The following TCERG1 variants were observed in gnomAD, a reference collection of about 807,000 sequenced individuals.
The protein encoded by TCERG1 is TATA box binding protein (TBP)-associated factor, RNA polymerase II, S, 150kD.
A neutral mutation model predicts 144.7 loss-of-function variants in TCERG1; 37 were observed. The observed-to-expected ratio is 0.26, with a 90% confidence interval of 0.20 to 0.34. The LOEUF (loss-of-function observed/expected upper bound fraction) is 0.34. Among genes scored for constraint, TCERG1 ranks in the 10% least tolerant of loss-of-function variants. The pLI, the probability that TCERG1 is intolerant of heterozygous loss-of-function variation, is 1.00. For missense variants in TCERG1, 1,027 were observed against 1,380.7 expected, an observed-to-expected ratio of 0.74 and a Z score of 4.06; for synonymous variants, 492 against 458.2, an observed-to-expected ratio of 1.07 and a Z score of -0.94.
chr5:146,506,576 C>T (rs1445415674), intron 19 of TCERG1, among the ~76,000 whole-genome samples: 1 of 152,006 alleles, frequency 6.6e-6, no homozygotes, highest in African/African-American at 2.4e-5. Context: ...TTTAGTTAAC[C>T]CTGGTGTGCA....
chr5:146,455,006 A>G, intron 1 of TCERG1, 50 bp from the exon 2 acceptor site: 2 of 1,594,586 alleles, frequency 1.3e-6, no homozygotes, highest in South Asian at 1.1e-5. Context: ...CAGTAGCTAC[A>G]TTTTTGTAAT....
At chr5:146,470,458 T>A (rs1340747972) in intron 7 of TCERG1, among the ~76,000 whole-genome samples, 178 bp from the exon 8 acceptor site, 2 of 152,164 alleles carry the variant, frequency 1.3e-5, no homozygotes, top group Admixed American at 6.5e-5. Flanking sequence ...ACCTGATTGG[T>A]ATAGCAAGGT....
chr5:146,480,291 G>T, intron 12 of TCERG1, 197 bp downstream of exon 12: 1 of 408,698 alleles, frequency 2.4e-6, no homozygotes, highest in Non-Finnish European at 4.5e-6. Flanking sequence ...TAGAAGATTT[G>T]GGTATTCATA....
At position 146,463,652 on chromosome 5, in the gene TCERG1, G is replaced by A. The variant is rs758784177; in HGVS notation, c.994G>A (p.Val332Ile). Residue 332 changes from valine to isoleucine, a missense_variant, in exon 5 of 23, where the codon GTT becomes ATT. Physicochemically the swap from Val to Ile is conservative, Grantham distance 29. Around this residue, in one of 6 missense-constraint regions of TCERG1, gnomAD observed 187 missense variants for 169.1 expected, o/e 1.11. Coordinates refer to ENST00000679501, the MANE Select transcript of TCERG1 (RefSeq NM_001382548.1). The part of the protein sequence containing the change: ...PAPTATPVQT[V>I]PQPHPQTLPP... ...TCCTACAGCCACACCTGTGCAAACC[G>A]TTCCCCAGCCGCACCCTCAGACGTT... 8 of 1,614,108 alleles carry A rather than the reference G, an allele frequency of 5.0e-6. No homozygotes were observed. Among genetic ancestry groups the A allele is most frequent in the South Asian group, 1.1e-5 (1 of 91,080 alleles).
intron 9 of TCERG1, among the ~76,000 whole-genome samples, chr5:146,474,407 C>G (rs56309758): frequency 0.25 from 37,259 of 152,076 alleles, 5,679 homozygotes; most frequent in East Asian, 0.83. Context: ...GTGAATTCTT[C>G]AGATAGAATC....
intron 17 of TCERG1, among the ~76,000 whole-genome samples, chr5:146,501,341 A>G (rs1465607655): frequency 7.5e-6 from 1 of 133,372 alleles, no homozygotes; most frequent in African/African-American, 2.8e-5. Context: ...AATTGTTCTC[A>G]TACTGATAGC....
Position 146,498,658 on chromosome 5 carries a change from A to G in TCERG1, c.2405A>G (p.Lys802Arg), listed in dbSNP as rs751057313. The G allele has an allele frequency of 6.2e-7, 1 of 1,612,000 alleles. No homozygotes were observed. Among genetic ancestry groups the G allele is most frequent in the Non-Finnish European group, 8.5e-7 (1 of 1,179,160 alleles). ...GTGGCCGCTGCTAGGAAGAAAGAGA[A>G]AGAAGATTCGAAGACCAGAGGTGAG... ...EFVAAARKKE[K>R]EDSKTRGEKI... Residue 802 changes from lysine (K) to arginine (R), a missense_variant, in exon 17 of 23, where the codon AAA (lysine) becomes AGA (arginine). Lys to Arg is a conservative substitution (Grantham distance 26). Around this residue, in one of 6 missense-constraint regions of TCERG1, gnomAD observed 482 missense variants for 632.6 expected, o/e 0.76. Transcript: ENST00000679501.
intron 4 of TCERG1, among the ~76,000 whole-genome samples, chr5:146,462,401 T>A (rs558123966): frequency 6.6e-5 from 10 of 152,336 alleles, no homozygotes; most frequent in Middle Eastern, 3.4e-3. Flanking sequence ...AATTTTATTT[T>A]GGAACTAGAT....
intron 8 of TCERG1, 146 bp downstream of exon 8, chr5:146,470,894 C>A: frequency 1.9e-6 from 1 of 528,854 alleles, no homozygotes; most frequent in Non-Finnish European, 3.1e-6. Context: ...GTTCTTAATT[C>A]AGTTTTTTCT....
At chr5:146,462,624 A>T (rs1240006183) in intron 4 of TCERG1, among the ~76,000 whole-genome samples, 3 of 152,154 alleles carry the variant, frequency 2.0e-5, no homozygotes. Flanking sequence ...ACCTCAGTTT[A>T]AAAAAATTTT....
Position 146,459,093 on chromosome 5 carries a change from G to GGCCCAA in TCERG1, c.653_654insAGCCCA (p.Ala241_Gln242dup). Reference sequence around the variant, plus strand: ...AGGCTCAGGCCCAGGCCCAGGCCCAGGCCCAGGCCCAGGCCCAAGCCCAAG... The same window carrying GGCCCAA: ...AGGCTCAGGCCCAGGCCCAGGCCCAGGCCCAAGCCCAGGCCCAGGCCCAAGCCCAAG... On this transcript the variant is annotated inframe_insertion, in exon 4 of 23. Transcript: ENST00000679501. 1 of 1,559,934 alleles carries GGCCCAA rather than the reference G, an allele frequency of 6.4e-7. No homozygotes were observed. Among genetic ancestry groups the GGCCCAA allele is most frequent in the Non-Finnish European group, 8.8e-7 (1 of 1,137,398 alleles).
chr5:146,469,783 C>T (rs780459218), intron 7 of TCERG1, 39 bp downstream of exon 7: 2 of 1,403,040 alleles, frequency 1.4e-6, no homozygotes, highest in Non-Finnish European at 1.9e-6. Context: ...GTAGTATAAA[C>T]TGTAATAAGT....
chr5:146,469,833 A>G (rs950321433), intron 7 of TCERG1, 89 bp downstream of exon 7: 8 of 977,142 alleles, frequency 8.2e-6, no homozygotes, highest in Non-Finnish European at 1.0e-5. Context: ...TCTTTTTAAC[A>G]TATTTGAGGG....
intron 1 of TCERG1, among the ~76,000 whole-genome samples, chr5:146,447,858 G>T (rs562804938): frequency 6.6e-6 from 1 of 152,230 alleles, no homozygotes; most frequent in Non-Finnish European, 1.5e-5. Context: ...CCTTCTCCAC[G>T]CCCTCCGCGG....
intron 3 of TCERG1, among the ~76,000 whole-genome samples, chr5:146,457,915 T>C (rs541704683): frequency 6.6e-6 from 1 of 152,384 alleles, no homozygotes; most frequent in African/African-American, 2.4e-5. Flanking sequence ...AGTAGTGCAA[T>C]GTTGGTTCAC....
intron 9 of TCERG1, among the ~76,000 whole-genome samples, chr5:146,472,635 C>G (rs987525657): frequency 2.6e-4 from 39 of 151,852 alleles, no homozygotes; most frequent in African/African-American, 9.0e-4. Flanking sequence ...TGAAATTAGG[C>G]CAATTAGTAG....
intron 1 of TCERG1, among the ~76,000 whole-genome samples, chr5:146,449,525 T>A (rs899372022): frequency 2.6e-5 from 4 of 152,244 alleles, no homozygotes. Context: ...AATCATAGTT[T>A]ATACAATTTG....
At position 146,504,299 on chromosome 5, in the gene TCERG1, C is replaced by T. The variant is rs550894771; in HGVS notation, c.2781+293C>T. 41 of 236,342 alleles carry T rather than the reference C, an allele frequency of 1.7e-4. No individual in the cohort carries two copies. The East Asian group carries it at 2.1e-3, about 12-fold the overall frequency. 14.6% of individuals were successfully genotyped at this position (236,342 alleles called of 1,614,324 possible). A position where few individuals can be genotyped will look rare whatever the true frequency, so the allele number is the denominator to read the frequency against. On this transcript the variant is annotated intron_variant, in intron 19 of 22. Transcript: ENST00000679501. ...GAAAGTCATTGTAAACTATTACACACTTACCTGCCATAGTGATAAACAAAA... is the reference window on the plus strand; with the variant it reads ...GAAAGTCATTGTAAACTATTACACATTTACCTGCCATAGTGATAAACAAAA...
In TCERG1 at chr5:146,447,382, T is replaced by C. The variant is rs1159519914; in HGVS notation, c.33T>C (p.Ser11=). 6.2e-7 allele frequency: 1 copy of C among 1,606,858 alleles called. No individual in the cohort carries two copies. Among genetic ancestry groups the C allele is most frequent in the South Asian group, 1.1e-5 (1 of 90,606 alleles). The change falls in exon 1 of 23, where the codon AGT becomes AGC. Residue 11 remains serine, a synonymous_variant. Transcript: ENST00000679501. The part of the protein sequence containing the change: MAERGGDGGE[S]ERFNPGELRM... ...AGCGTGGCGGGGACGGGGGCGAGAG[T>C]GAACGATTCAACCCGGGGGAGCTCA...
Sources: allele counts gnomAD v4.1 joint callset (sites outside exome capture counted in the v4.1 genomes callset), GRCh38; gene constraint gnomAD v4.1.1; regional missense constraint gnomAD v4.1.1; transcripts MANE v1.5; gene names NCBI Gene and HGNC (gene_info 2026-07-23, HGNC 2026-07-21).